Variants in LHX2 observed in about 807,000 individuals in gnomAD.
LHX2 encodes LIM homeobox 2, also known as LIM/homeobox protein Lhx2.
LHX2 carries 6 observed loss-of-function variants against 33.0 expected under a neutral mutation model. That is an observed-to-expected ratio of 0.18 (90% CI 0.10 to 0.36). LHX2 has a LOEUF of 0.36. Ranked by LOEUF, LHX2 falls within the 10% of genes least tolerant of loss-of-function variation. The pLI is 1.00. For missense variants in LHX2, 442 were observed against 586.2 expected, an observed-to-expected ratio of 0.75 and a Z score of 2.54; for synonymous variants, 292 against 253.1, an observed-to-expected ratio of 1.15 and a Z score of -1.46.
Position 124,015,487 on chromosome 9 carries a change from G to A in LHX2, c.689G>A (p.Ser230Asn). ...VQKGRPRKRKSPGPGADLAAY... is the reference protein window; with the variant it reads ...VQKGRPRKRKNPGPGADLAAY... Reference sequence around the variant, plus strand: ...AAGGGGCGGCCGAGGAAACGTAAGAGCCCGGGCCCCGGTGCGGATCTGGCG... The same window carrying A: ...AAGGGGCGGCCGAGGAAACGTAAGAACCCGGGCCCCGGTGCGGATCTGGCG... Residue 230 changes from serine (S) to asparagine (N), a missense_variant, in exon 3 of 5, where the codon AGC becomes AAC. By Grantham distance (46) the Ser-to-Asn change is conservative. Transcript: ENST00000373615. The surrounding 1 kb of genome is among the most constrained non-coding windows in gnomAD (Gnocchi z 7.9). 2 of 1,484,322 alleles carry A rather than the reference G, an allele frequency of 1.3e-6. No homozygotes were observed. The highest frequency in any genetic ancestry group is 2.6e-5 in the Admixed American group (1 of 38,720). 91.9% of individuals were successfully genotyped at this position (1,484,322 alleles called of 1,614,324 possible). A position where few individuals can be genotyped will look rare whatever the true frequency, so the allele number is the denominator to read the frequency against.
Position 124,015,520 on chromosome 9 carries a change from A to G in LHX2, c.722A>G (p.Asn241Ser), listed in dbSNP as rs1292114193. Residue 241 changes from asparagine to serine, a missense_variant, in exon 3 of 5, where the codon AAC becomes AGC. By Grantham distance (46) the Asn-to-Ser change is conservative. This residue lies in a region of LHX2 where 132 missense variants were observed against 139.1 expected (regional missense o/e 0.95). Transcript: ENST00000373615. This position sits in a 1 kb window ranked among gnomAD's most constrained non-coding sequence, Gnocchi z 7.9. Reference protein sequence around the residue: ...PGPGADLAAYNAALSCNENDA... With the variant: ...PGPGADLAAYSAALSCNENDA... ...CCCGGTGCGGATCTGGCGGCCTACA[A>G]CGCTGGTGAGTGCGCGGCGCACGAA... The G allele has an allele frequency of 3.4e-6, 5 of 1,461,140 alleles. No individual in the cohort carries two copies. Among genetic ancestry groups the G allele is most frequent in the East Asian group, 2.5e-5 (1 of 40,324 alleles). The allele number at this position is 1,461,140 out of a possible 1,614,324, so 90.5% of individuals were successfully genotyped here.
Position 124,032,826 on chromosome 9 carries a change from C to A in LHX2, c.*119C>A. 1.7e-6 allele frequency: 2 copies of A among 1,182,960 alleles called. No individual in the cohort carries two copies. Among genetic ancestry groups the A allele is most frequent in the Non-Finnish European group, 1.2e-6 (1 of 855,052 alleles). The allele number at this position is 1,182,960 out of a possible 1,614,324, so 73.3% of individuals were successfully genotyped here. A position where few individuals can be genotyped will look rare whatever the true frequency, so the allele number is the denominator to read the frequency against. The stretch of plus-strand genomic sequence containing the variant: ...TAACTAACCACATTTTAGGATCTCG[C>A]CTGGAAACAGAGGTAAAAAAAAGAA... On this transcript the variant is annotated 3_prime_UTR_variant, in exon 5 of 5. Coordinates refer to ENST00000373615, the MANE Select transcript of LHX2 (RefSeq NM_004789.4). The surrounding 1 kb of genome is among the most constrained non-coding windows in gnomAD (Gnocchi z 4.1).
intron 4 of LHX2, among the ~76,000 whole-genome samples, chr9:124,024,218 A>G (rs979020899): frequency 1.3e-5 from 2 of 152,230 alleles, no homozygotes; most frequent in South Asian, 2.1e-4. Flanking sequence ...CCTATTGCAC[A>G]TGGTGATGCA....
At chr9:124,029,364 C>T (rs1182551368) in intron 4 of LHX2, among the ~76,000 whole-genome samples, 1 of 152,048 alleles carries the variant, frequency 6.6e-6, no homozygotes, top group Non-Finnish European at 1.5e-5. Context: ...AGAAAGGGTC[C>T]CTGCTCCCAT....
chr9:124,032,603 C>A lies in LHX2; in HGVS notation c.1117C>A (p.Pro373Thr). The change falls in exon 5 of 5, where the codon CCC becomes ACC. Residue 373 changes from proline to threonine, a missense_variant. Coordinates refer to ENST00000373615, the MANE Select transcript of LHX2 (RefSeq NM_004789.4). This position sits in a 1 kb window ranked among gnomAD's most constrained non-coding sequence, Gnocchi z 4.1. ...TPTTLTDLTS[P>T]TLPTVTSVLT... ...CACCACCCTGACAGACTTGACTAGC[C>A]CCACCCTGCCAACTGTGACGTCCGT... The A allele has an allele frequency of 6.2e-7, 1 of 1,614,182 alleles. No homozygotes were observed. Among genetic ancestry groups the A allele is most frequent in the Non-Finnish European group, 8.5e-7 (1 of 1,180,022 alleles).
At chr9:124,018,870 C>G (rs1436360989) in intron 3 of LHX2, among the ~76,000 whole-genome samples, 2 of 152,166 alleles carry the variant, frequency 1.3e-5, no homozygotes, top group East Asian at 3.9e-4. Context: ...TTTCTGTCCC[C>G]CTCCCCCGCA....
At chr9:124,022,413 C>T (rs1859309070) in intron 4 of LHX2, among the ~76,000 whole-genome samples, 2 of 152,214 alleles carry the variant, frequency 1.3e-5, no homozygotes, top group South Asian at 2.1e-4. Context: ...TTTCCCCATT[C>T]GTACAAAGAG....
At position 124,014,986 on chromosome 9, in the gene LHX2, C is replaced by T. The variant is rs572172874; in HGVS notation, c.324-136C>T. Reference sequence around the variant, plus strand: ...GTCAAAATCTAGTTCTCTCTCCCCCCCATCCTCCAAATAAAGGCCGGGTTG... The same window carrying T: ...GTCAAAATCTAGTTCTCTCTCCCCCTCATCCTCCAAATAAAGGCCGGGTTG... On this transcript the variant is annotated intron_variant, in intron 2 of 4. Transcript: ENST00000373615. The surrounding 1 kb of genome is among the most constrained non-coding windows in gnomAD (Gnocchi z 4.8). 4 of 916,522 alleles carry T rather than the reference C, an allele frequency of 4.4e-6. No individual in the cohort carries two copies. The highest frequency in any genetic ancestry group is 3.3e-6 in the Non-Finnish European group (2 of 608,160). The allele number at this position is 916,522 out of a possible 1,614,324, so 56.8% of individuals were successfully genotyped here.
At position 124,032,806 on chromosome 9, in the gene LHX2, A is replaced by G. The variant is rs1828719351; in HGVS notation, c.*99A>G. 7.5e-7 allele frequency: 1 copy of G among 1,326,926 alleles called. No individual in the cohort carries two copies. Among genetic ancestry groups the G allele is most frequent in the African/African-American group, 1.5e-5 (1 of 67,386 alleles). The allele number at this position is 1,326,926 out of a possible 1,614,324, so 82.2% of individuals were successfully genotyped here. A position where few individuals can be genotyped will look rare whatever the true frequency, so the allele number is the denominator to read the frequency against. On this transcript the variant is annotated 3_prime_UTR_variant, in exon 5 of 5. Coordinates refer to ENST00000373615, the MANE Select transcript of LHX2 (RefSeq NM_004789.4). This position sits in a 1 kb window ranked among gnomAD's most constrained non-coding sequence, Gnocchi z 4.1. ...AAATAGAGGCTTTGAGCAACTAACT[A>G]ACCACATTTTAGGATCTCGCCTGGA... is the stretch of plus-strand genomic sequence containing the variant.
At chr9:124,017,483 G>T (rs1448704529) in intron 3 of LHX2, among the ~76,000 whole-genome samples, 1 of 152,194 alleles carries the variant, frequency 6.6e-6, no homozygotes, top group Non-Finnish European at 1.5e-5. Flanking sequence ...AGAAATGGCC[G>T]CAGTGTGGGC....
chr9:124,015,457 T>C lies in LHX2; in HGVS notation c.659T>C (p.Val220Ala). 4 of 1,532,764 alleles carry C rather than the reference T, an allele frequency of 2.6e-6. No individual in the cohort carries two copies. The highest frequency in any genetic ancestry group is 1.3e-5 in the South Asian group (1 of 79,716). 94.9% of individuals were successfully genotyped at this position (1,532,764 alleles called of 1,614,324 possible). ...GLPYYNGVGT[V>A]QKGRPRKRKS... is the part of the protein sequence containing the mutation. ...CCCTACTACAATGGCGTGGGCACTGTGCAGAAGGGGCGGCCGAGGAAACGT... is the reference window on the plus strand; with the variant it reads ...CCCTACTACAATGGCGTGGGCACTGCGCAGAAGGGGCGGCCGAGGAAACGT... The change falls in exon 3 of 5, where the codon GTG becomes GCG. Residue 220 changes from valine (V) to alanine (A), a missense_variant. Physicochemically the swap from Val to Ala is moderately conservative, Grantham distance 64 (BLOSUM62 0). This residue lies in a region of LHX2 where 132 missense variants were observed against 139.1 expected (regional missense o/e 0.95). Transcript: ENST00000373615. This position sits in a 1 kb window ranked among gnomAD's most constrained non-coding sequence, Gnocchi z 7.9.
intron 4 of LHX2, among the ~76,000 whole-genome samples, chr9:124,030,622 CTTTTCTTTT>C (rs1000136269): frequency 3.0e-4 from 28 of 94,662 alleles, no homozygotes; most frequent in African/African-American, 8.6e-4. Context: ...TTTCATTTTT[CTTTTCTTTT>C]TTTTTTTTTT....
At chr9:124,013,712 A>G (rs1264035832) in intron 1 of LHX2, among the ~76,000 whole-genome samples, 2 of 152,256 alleles carry the variant, frequency 1.3e-5, no homozygotes, top group Non-Finnish European at 2.9e-5. Flanking sequence ...CACCAGAGCC[A>G]TTTAGGCCAG....
chr9:124,031,239 CA>C (rs1265483356), intron 4 of LHX2, among the ~76,000 whole-genome samples: 2 of 152,308 alleles, frequency 1.3e-5, no homozygotes, highest in East Asian at 3.9e-4. Flanking sequence ...ACCTGACACC[CA>C]GTGGCCCAGG....
chr9:124,017,399 C>T (rs1022063899), intron 3 of LHX2, among the ~76,000 whole-genome samples: 1 of 152,196 alleles, frequency 6.6e-6, no homozygotes, highest in South Asian at 2.1e-4. Context: ...GGCATCTCCC[C>T]GGCCTCTCGG....
chr9:124,026,650 C>G (rs764780287), intron 4 of LHX2, among the ~76,000 whole-genome samples: 7 of 152,118 alleles, frequency 4.6e-5, no homozygotes, highest in Non-Finnish European at 8.8e-5. Flanking sequence ...TCTTGGAGAT[C>G]AGAGCATGTT....
At chr9:124,031,477 C>T (rs1045546658) in intron 4 of LHX2, 2 of 151,818 alleles carry the variant, frequency 1.3e-5, no homozygotes, top group African/African-American at 2.4e-5. Context: ...AGGAATGTCT[C>T]AAAGAACCAT....
rs2118789424 is a variant in LHX2, at chr9:124,033,295, G to C, written c.*588G>C. On this transcript the variant is annotated 3_prime_UTR_variant, in exon 5 of 5. Transcript: ENST00000373615. ...CTAACCAGTAATAAAACCACTTATT[G>C]AAACTACTTGGGGCTGCTGCCATTT... 6.6e-6 allele frequency: 1 copy of C among 151,764 alleles called. No homozygotes were observed. The highest frequency in any genetic ancestry group is 1.5e-5 in the Non-Finnish European group (1 of 67,916). 9.4% of individuals were successfully genotyped at this position (151,764 alleles called of 1,614,324 possible).
At position 124,032,168 on chromosome 9, in the gene LHX2, G is replaced by A. The variant is rs1322685044; in HGVS notation, c.934-252G>A. The A allele has an allele frequency of 4.6e-6, 2 of 435,294 alleles. No individual in the cohort carries two copies. The highest frequency in any genetic ancestry group is 4.0e-6 in the Non-Finnish European group (1 of 248,194). 27.0% of individuals were successfully genotyped at this position (435,294 alleles called of 1,614,324 possible). ...GAGGCGGGAGGATCGCTTGATCCCAGGAGTTAGAAGCTGCAGTGAGTCGAG... is the reference window on the plus strand; with the variant it reads ...GAGGCGGGAGGATCGCTTGATCCCAAGAGTTAGAAGCTGCAGTGAGTCGAG... On this transcript the variant is annotated intron_variant, in intron 4 of 4. Coordinates refer to ENST00000373615, the MANE Select transcript of LHX2 (RefSeq NM_004789.4). This position sits in a 1 kb window ranked among gnomAD's most constrained non-coding sequence, Gnocchi z 4.1.
Sources: allele counts gnomAD v4.1 joint callset (sites outside exome capture counted in the v4.1 genomes callset), GRCh38; gene constraint gnomAD v4.1.1; regional missense constraint gnomAD v4.1.1; non-coding constraint Gnocchi (gnomAD v3.1); transcripts MANE v1.5; gene names NCBI Gene and HGNC (gene_info 2026-07-23, HGNC 2026-07-21).